The following PPP2R2B variants were observed in gnomAD, a reference collection of about 807,000 sequenced individuals.
PPP2R2B encodes protein phosphatase 2 regulatory subunit Bbeta, also known as serine/threonine-protein phosphatase 2A 55 kDa regulatory subunit B beta isoform.
A neutral mutation model predicts 46.0 loss-of-function variants in PPP2R2B; 5 were observed. The ratio of observed to expected loss-of-function variants is 0.11; its 90% confidence interval spans 0.06 to 0.23. PPP2R2B has a LOEUF of 0.23. Ranked by LOEUF, PPP2R2B falls within the 10% of genes least tolerant of loss-of-function variation. The probability of loss-of-function intolerance (pLI) is 1.00; values close to 1 mark genes in which losing one functional copy is unlikely to be tolerated. For missense variants in PPP2R2B, 367 were observed against 575.0 expected (o/e 0.64, Z 3.70); for synonymous variants, 215 against 206.7 (o/e 1.04, Z -0.34).
At chr5:146,705,546 G>A (rs565632533) in intron 2 of PPP2R2B, among the ~76,000 whole-genome samples, 4 of 152,108 alleles carry the variant, frequency 2.6e-5, no homozygotes, top group East Asian at 1.9e-4. Flanking sequence ...TTAAACAAAC[G>A]GGATTCTTAG....
At chr5:146,869,219 T>C (rs111583514) in intron 2 of PPP2R2B, among the ~76,000 whole-genome samples, 3,167 of 152,248 alleles carry the variant, frequency 0.021, 35 homozygotes, top group Middle Eastern at 0.051. Flanking sequence ...AGAAAACAAA[T>C]AGAAGACCAC....
intron 6 of PPP2R2B, among the ~76,000 whole-genome samples, chr5:146,639,260 C>A (rs370087136): frequency 2.0e-5 from 3 of 152,148 alleles, no homozygotes; most frequent in African/African-American, 7.2e-5. Context: ...TTTTAAGTAT[C>A]AGAAACAAGC....
chr5:146,856,596 T>G, intron 2 of PPP2R2B: 1 of 1,590,332 alleles, frequency 6.3e-7, no homozygotes, highest in South Asian at 1.1e-5. Context: ...GTGACAAACA[T>G]GGGGTTCAGA....
At chr5:147,073,733 T>A (rs1362319491) in intron 2 of PPP2R2B, among the ~76,000 whole-genome samples, 3 of 152,170 alleles carry the variant, frequency 2.0e-5, no homozygotes, top group African/African-American at 7.2e-5. Flanking sequence ...GTCTCTTGGA[T>A]CAAACTATTA....
At chr5:147,034,702 A>G (rs1253538904) in intron 1 of PPP2R2B, among the ~76,000 whole-genome samples, 3 of 152,146 alleles carry the variant, frequency 2.0e-5, no homozygotes, top group African/African-American at 7.2e-5. Flanking sequence ...ATTCCTGTCA[A>G]TGTGCTAGAT....
chr5:146,705,527 T>C (rs997249185), intron 2 of PPP2R2B, among the ~76,000 whole-genome samples: 2 of 152,182 alleles, frequency 1.3e-5, no homozygotes, highest in African/African-American at 4.8e-5. Context: ...ATGACTACTT[T>C]GTGGATCATT....
intron 2 of PPP2R2B, among the ~76,000 whole-genome samples, chr5:146,832,379 C>CTTTTTTTTTTTT (rs34269274): frequency 2.8e-5 from 2 of 70,192 alleles, no homozygotes; most frequent in Non-Finnish European, 5.4e-5. Context: ...CATTTTTAAT[C>CTTTTTTTTTTTT]TTTTTTTTTT....
rs1338863402 is a variant in PPP2R2B at position 146,581,686 on chromosome 5, G to A, written c.*8261C>T. ...ATAGACTGAAAGGCCATTCCGCAGT[G>A]TATTTCAGATCAGTTCTGTATTGTG... On this transcript the variant is annotated 3_prime_UTR_variant, in exon 10 of 10. Transcript: ENST00000394411. 6.6e-6 allele frequency: 1 copy of A among 152,178 alleles called. No individual in the cohort carries two copies. The highest frequency in any genetic ancestry group is 1.5e-5 in the Non-Finnish European group (1 of 68,036). 9.4% of individuals were successfully genotyped at this position (152,178 alleles called of 1,614,324 possible).
At chr5:147,020,126 C>G (rs886105459) in intron 1 of PPP2R2B, among the ~76,000 whole-genome samples, 16 of 152,082 alleles carry the variant, frequency 1.1e-4, no homozygotes, top group Non-Finnish European at 2.2e-4. Context: ...CTTTCTATAG[C>G]TTTCCCCACT....
At chr5:146,722,559 A>G (rs1176419949) in intron 2 of PPP2R2B, among the ~76,000 whole-genome samples, 3 of 152,226 alleles carry the variant, frequency 2.0e-5, no homozygotes, top group Non-Finnish European at 4.4e-5. Context: ...GCTACAAAAT[A>G]TGCTACAAAG....
At chr5:146,593,175 G>T in intron 8 of PPP2R2B, 113 bp from the exon 9 acceptor site, 1 of 933,652 alleles carries the variant, frequency 1.1e-6, no homozygotes, top group Non-Finnish European at 1.7e-6. Flanking sequence ...CATGCTCTTT[G>T]AATCAGATGG....
chr5:146,592,416 CATTTGT>C lies in PPP2R2B; in HGVS notation c.1052+549_1052+554del, dbSNP rs1488435893. Among the ~76,000 whole-genome samples, 22 of 152,316 alleles carry C rather than the reference CATTTGT, an allele frequency of 1.4e-4. No homozygotes were observed. In the South Asian group the frequency reaches 1.7e-3, roughly 11 times the overall value. The stretch of plus-strand genomic sequence containing the variant: ...TTAGTTCTCATGGAAATCAGAGAAT[CATTTGT>C]ATTTGTCAAACTAAAAATGAACTAT... On this transcript the variant is annotated intron_variant, in intron 9 of 9. Coordinates refer to ENST00000394411, the MANE Select transcript of PPP2R2B (RefSeq NM_181675.4).
At chr5:146,794,085 A>T (rs1178931925) in intron 2 of PPP2R2B, among the ~76,000 whole-genome samples, 1 of 152,172 alleles carries the variant, frequency 6.6e-6, no homozygotes, top group Admixed American at 6.5e-5. Context: ...CTGTCCAATA[A>T]CTCTCCATTC....
chr5:147,065,740 G>C (rs1252895546), intron 2 of PPP2R2B, among the ~76,000 whole-genome samples: 1 of 152,110 alleles, frequency 6.6e-6, no homozygotes, highest in Non-Finnish European at 1.5e-5. Flanking sequence ...AGTGTTGAAG[G>C]AAGTTAGGAA....
At chr5:146,979,558 A>AACACACACACACACACACAC (rs34864782) in intron 1 of PPP2R2B, among the ~76,000 whole-genome samples, 2 of 137,272 alleles carry the variant, frequency 1.5e-5, no homozygotes, top group Admixed American at 7.3e-5. Flanking sequence ...CCCACCTTGA[A>AACACACACACACACACACAC]ACACACACAC....
At chr5:146,617,839 C>G (rs150334024) in intron 7 of PPP2R2B, among the ~76,000 whole-genome samples, 1 of 151,960 alleles carries the variant, frequency 6.6e-6, no homozygotes, top group African/African-American at 2.4e-5. Context: ...GGATTACAGA[C>G]GTGTGCCACC....
chr5:146,951,358 TA>T (rs112806158), intron 1 of PPP2R2B, among the ~76,000 whole-genome samples: 21 of 151,678 alleles, frequency 1.4e-4, no homozygotes, highest in East Asian at 3.9e-4. Context: ...CTTTTTTTTT[TA>T]AAAATTAAGT....
At chr5:146,756,488 C>T (rs1753839853) in intron 2 of PPP2R2B, among the ~76,000 whole-genome samples, 2 of 152,174 alleles carry the variant, frequency 1.3e-5, no homozygotes, top group Admixed American at 1.3e-4. Context: ...TTCCAAGTTT[C>T]TTTCGATTAA....
intron 1 of PPP2R2B, among the ~76,000 whole-genome samples, chr5:147,019,794 A>G (rs1471729693): frequency 6.6e-6 from 1 of 152,178 alleles, no homozygotes; most frequent in Non-Finnish European, 1.5e-5. Context: ...GCCATCACTT[A>G]AAGATGATTT....
Sources: allele counts gnomAD v4.1 joint callset (sites outside exome capture counted in the v4.1 genomes callset), GRCh38; gene constraint gnomAD v4.1.1; transcripts MANE v1.5; gene names NCBI Gene and HGNC (gene_info 2026-07-23, HGNC 2026-07-21).